IL6ST: variants seen among roughly 807,000 people sequenced by gnomAD.
IL6ST encodes the protein interleukin 6 cytokine family signal transducer.
A neutral mutation model predicts 91.3 loss-of-function variants in IL6ST; 24 were observed. That is an observed-to-expected ratio of 0.26 (90% confidence interval 0.19 to 0.37). IL6ST has a LOEUF of 0.37. IL6ST is among the 10% of genes least tolerant of loss of function. IL6ST has a pLI of 1.00. For missense variants in IL6ST, 914 were observed against 1,078.5 expected, an observed-to-expected ratio of 0.85 and a Z score of 2.14; for synonymous variants, 351 against 373.6, an observed-to-expected ratio of 0.94 and a Z score of 0.70.
rs996280653 is a variant in IL6ST at position 55,938,073 on chromosome 5, T to TAC, written c.*3007_*3008dup. The TAC allele has an allele frequency of 1.8e-4, 35 of 189,736 alleles. No individual in the cohort carries two copies. The highest frequency in any genetic ancestry group is 3.3e-4 in the Non-Finnish European group (30 of 90,254). 11.8% of individuals were successfully genotyped at this position (189,736 alleles called of 1,614,324 possible). ...TTTCTATTTCTCAAACTAGATGCTC[T>TAC]ACTTTAAATATGAGCTTTAATGAAT... is the stretch of plus-strand genomic sequence containing the variant. On this transcript the variant is annotated 3_prime_UTR_variant, in exon 17 of 17. Transcript: ENST00000381298.
Position 55,965,895 on chromosome 5 carries a change from T to C in IL6ST, c.492-1583A>G, listed in dbSNP as rs185383602. 4.6e-5 allele frequency among the ~76,000 whole-genome samples: 7 copies of C among 152,028 alleles called. No homozygotes were observed. In the East Asian group the frequency reaches 9.7e-4, roughly 21 times the overall value. On this transcript the variant is annotated intron_variant, in intron 5 of 16. Transcript: ENST00000381298. ...AAAGATGGGACAATCCATAATGAGT[T>C]AAAACATATCAAATATGTTTAAATA...
intron 3 of IL6ST, among the ~76,000 whole-genome samples, chr5:55,974,956 T>TACACAAACACACACAC (rs1753195175): frequency 1.7e-5 from 2 of 114,518 alleles, no homozygotes; most frequent in Non-Finnish European, 4.3e-5. Flanking sequence ...CACACACACA[T>TACACAAACACACACAC]ACACACACAC....
rs761762091 is a variant in IL6ST at position 55,951,654 on chromosome 5, T to C, written c.1700-50A>G. The C allele has an allele frequency of 1.9e-6, 3 of 1,553,576 alleles. No homozygotes were observed. The Admixed American group carries it at 6.0e-5, about 31-fold the overall frequency. Reference sequence around the variant, plus strand: ...CATTCAACTATTCAATGCTTTTGCTTATTTGGCCTATATTTGGCATTGTGA... The same window carrying C: ...CATTCAACTATTCAATGCTTTTGCTCATTTGGCCTATATTTGGCATTGTGA... On this transcript the variant is annotated intron_variant, in intron 13 of 16. Coordinates refer to ENST00000381298, the MANE Select transcript of IL6ST (RefSeq NM_002184.4).
intron 1 of IL6ST, among the ~76,000 whole-genome samples, chr5:55,990,994 G>A (rs932967152): frequency 3.3e-5 from 5 of 151,376 alleles, no homozygotes; most frequent in Non-Finnish European, 7.4e-5. Flanking sequence ...GCGGTGTTTG[G>A]TTTTCTGTCC....
At chr5:55,951,179 G>A (rs572836914) in intron 14 of IL6ST, among the ~76,000 whole-genome samples, 1 of 151,748 alleles carries the variant, frequency 6.6e-6, no homozygotes, top group South Asian at 2.1e-4. Flanking sequence ...GATAGAGAAG[G>A]AAAGAACACA....
At position 55,939,815 on chromosome 5, in the gene IL6ST, T is replaced by G; in HGVS notation, c.*1267A>C. The stretch of plus-strand genomic sequence containing the variant: ...GGTTTTAAAAATTCCTAAATCACAA[T>G]GTAGAACTAAGTTCCACCCTACCTC... On this transcript the variant is annotated 3_prime_UTR_variant, in exon 17 of 17. Coordinates refer to ENST00000381298, the MANE Select transcript of IL6ST (RefSeq NM_002184.4). 4.9e-6 allele frequency: 1 copy of G among 203,664 alleles called. No individual in the cohort carries two copies. The highest frequency in any genetic ancestry group is 7.5e-5 in the East Asian group (1 of 13,334). 12.6% of individuals were successfully genotyped at this position (203,664 alleles called of 1,614,324 possible). A position where few individuals can be genotyped will look rare whatever the true frequency, so the allele number is the denominator to read the frequency against.
At chr5:55,969,416 AT>A in intron 4 of IL6ST, 133 bp downstream of exon 4, 1 of 613,392 alleles carries the variant, frequency 1.6e-6, no homozygotes. Context: ...TTCTAAGCTT[AT>A]TTTTTAAAAA....
intron 8 of IL6ST, 58 bp downstream of exon 8, chr5:55,960,344 A>C: frequency 7.3e-7 from 1 of 1,375,410 alleles, no homozygotes; most frequent in Non-Finnish European, 1.0e-6. Context: ...TTAAAACCAG[A>C]ACCAGTTCAC....
At chr5:55,960,186 CATG>C (rs764033878) in intron 8 of IL6ST, among the ~76,000 whole-genome samples, 24 of 152,000 alleles carry the variant, frequency 1.6e-4, no homozygotes, top group Non-Finnish European at 3.4e-4. Context: ...ATCTGGCCTC[CATG>C]ATAATTTAAT....
At chr5:55,985,001 A>C (rs78271306) in intron 1 of IL6ST, among the ~76,000 whole-genome samples, 52 of 152,320 alleles carry the variant, frequency 3.4e-4, no homozygotes, top group African/African-American at 1.2e-3. Context: ...GTCTGTTCAA[A>C]CATATTGATC....
chr5:55,946,132 C>A (rs1751235807), intron 15 of IL6ST, among the ~76,000 whole-genome samples: 1 of 152,008 alleles, frequency 6.6e-6, no homozygotes, highest in African/African-American at 2.4e-5. Context: ...ATGTAAGTGA[C>A]ACATGAAAAG....
chr5:55,974,821 T>A (rs1753178380), intron 3 of IL6ST, among the ~76,000 whole-genome samples: 1 of 151,808 alleles, frequency 6.6e-6, no homozygotes, highest in Non-Finnish European at 1.5e-5. Context: ...CTAATAACCC[T>A]AGGAGGTAGT....
rs1432236026 is a variant in IL6ST at position 55,942,726 on chromosome 5, C to T, written c.1963G>A (p.Val655Ile). ...DLIKKHIWPNVPDPSKSHIAQ... is the reference protein window; with the variant it reads ...DLIKKHIWPNIPDPSKSHIAQ... ...ATATGACTCTTTGAAGGATCTGGAACATTAGGCCAGATGTGTTTTTTAATT... is the reference window on the plus strand; with the variant it reads ...ATATGACTCTTTGAAGGATCTGGAATATTAGGCCAGATGTGTTTTTTAATT... The change falls in exon 16 of 17, where the codon GTT becomes ATT. Residue 655 changes from valine to isoleucine, a missense_variant. Coordinates refer to ENST00000381298, the MANE Select transcript of IL6ST (RefSeq NM_002184.4). The T allele has an allele frequency of 6.2e-7, 1 of 1,606,498 alleles. No individual in the cohort carries two copies. Among genetic ancestry groups the T allele is most frequent in the African/African-American group, 1.3e-5 (1 of 74,702 alleles).
chr5:55,960,234 A>C (rs564131061), intron 8 of IL6ST, among the ~76,000 whole-genome samples, 168 bp downstream of exon 8: 3 of 152,178 alleles, frequency 2.0e-5, no homozygotes, highest in South Asian at 2.1e-4. Context: ...TCAATGATCC[A>C]TATTCAATTT....
In IL6ST at chr5:55,964,288, G is replaced by A. The variant is rs1314318878; in HGVS notation, c.516C>T (p.Cys172=). The A allele has an allele frequency of 1.9e-6, 3 of 1,610,806 alleles. No homozygotes were observed. The highest frequency in any genetic ancestry group is 2.5e-6 in the Non-Finnish European group (3 of 1,178,292). ...AGGTGGGGGTGTCACGTTTTGCTTT[G>A]CAATCAGCAAACTTGTGTGTTGCCC... ...SEWATHKFAD[C]KAKRDTPTSC... is the part of the protein sequence containing the mutation. The change falls in exon 6 of 17, where the codon TGC becomes TGT. Residue 172 remains cysteine, a synonymous_variant. Coordinates refer to ENST00000381298, the MANE Select transcript of IL6ST (RefSeq NM_002184.4).
rs370724076 is a variant in IL6ST, at chr5:55,940,135, A to ATATGTGTGTG, written c.*946_*947insCACACACATA. 31,592 of 156,366 alleles carry ATATGTGTGTG rather than the reference A, an allele frequency of 0.2. 2,014 individuals are homozygous for ATATGTGTGTG. The highest frequency in any genetic ancestry group is 0.27 in the Admixed American group (3,928 of 14,608). 9.7% of individuals were successfully genotyped at this position (156,366 alleles called of 1,614,324 possible). A position where few individuals can be genotyped will look rare whatever the true frequency, so the allele number is the denominator to read the frequency against. On this transcript the variant is annotated 3_prime_UTR_variant, in exon 17 of 17. Transcript: ENST00000381298. ...AGAAAAGTCAATGATATGTGTGTGT[A>ATATGTGTGTG]TATATATATATATATATACACACAT... is the stretch of plus-strand genomic sequence containing the variant.
In IL6ST at chr5:55,941,578, G is replaced by C; in HGVS notation, c.2261C>G (p.Ser754Trp). 1.9e-6 allele frequency: 3 copies of C among 1,614,158 alleles called. No individual in the cohort carries two copies. The highest frequency in any genetic ancestry group is 1.1e-5 in the South Asian group (1 of 91,088). ...CACGGTAGAATACTGGACAGTGCTCGAAGTGTTTTGTGAAGATTCATTTTC... is the reference window on the plus strand; with the variant it reads ...CACGGTAGAATACTGGACAGTGCTCCAAGTGTTTTGTGAAGATTCATTTTC... ...SDENESSQNT[S>W]STVQYSTVVH... Residue 754 changes from serine (S) to tryptophan (W), a missense_variant, in exon 17 of 17, where the codon TCG becomes TGG. Transcript: ENST00000381298.
At position 55,963,361 on chromosome 5, in the gene IL6ST, A is replaced by C; in HGVS notation, c.804T>G (p.Thr268=). ...NIQYRTKDAS[T]WSQIPPEDTA... ...GTAACTTTCAATTTACCTGGCTCCA[A>C]GTTGAGGCATCTTTGGTCCTATATT... Residue 268 remains threonine, a synonymous_variant, in exon 7 of 17, where the codon ACT becomes ACG. Coordinates refer to ENST00000381298, the MANE Select transcript of IL6ST (RefSeq NM_002184.4). The C allele has an allele frequency of 6.3e-7, 1 of 1,579,252 alleles. No homozygotes were observed. Among genetic ancestry groups the C allele is most frequent in the Non-Finnish European group, 8.6e-7 (1 of 1,164,444 alleles).
rs780465901 is a variant in IL6ST, at chr5:55,947,582, T to C, written c.1848A>G (p.Gly616=). Residue 616 remains glycine, a synonymous_variant, in exon 15 of 17, where the codon GGA becomes GGG. Transcript: ENST00000381298. The part of the protein sequence containing the change: ...FTFTTPKFAQ[G]EIEAIVVPVC... The stretch of plus-strand genomic sequence containing the variant: ...CAGGCACGACTATGGCTTCAATTTC[T>C]CCTTGAGCTTAAAAAAAAAAAAAAA... 1.9e-6 allele frequency: 2 copies of C among 1,065,788 alleles called. No homozygotes were observed. The highest frequency in any genetic ancestry group is 3.0e-5 in the South Asian group (2 of 66,482). The allele number at this position is 1,065,788 out of a possible 1,614,324, so 66.0% of individuals were successfully genotyped here. A position where few individuals can be genotyped will look rare whatever the true frequency, so the allele number is the denominator to read the frequency against.
Sources: gnomAD v4.1 joint callset for allele counts (sites outside exome capture counted in the v4.1 genomes callset) on GRCh38, gnomAD v4.1.1 for gene constraint, MANE v1.5 for transcripts, NCBI Gene and HGNC (gene_info 2026-07-23, HGNC 2026-07-21) for gene names.